Variants in KCNT2 observed in about 807,000 individuals in gnomAD.
KCNT2 encodes the protein potassium sodium-activated channel subfamily T member 2.
KCNT2 carries 67 observed loss-of-function variants against 153.8 expected under a neutral mutation model. The observed-to-expected ratio is 0.44, with a 90% CI of 0.36 to 0.53. The LOEUF (loss-of-function observed/expected upper bound fraction) is 0.53. Among genes scored for constraint, KCNT2 ranks in the 20% least tolerant of loss-of-function variants. The pLI, the probability that KCNT2 is intolerant of heterozygous loss-of-function variation, is 0.00. For synonymous variants in KCNT2, 500 were observed against 458.8 expected (o/e 1.09, Z -1.15); for missense variants, 975 against 1,354.8 (o/e 0.72, Z 4.40).
intron 1 of KCNT2, among the ~76,000 whole-genome samples, chr1:196,511,172 G>T (rs530170638): frequency 2.7e-5 from 4 of 149,152 alleles, no homozygotes; most frequent in African/African-American, 5.0e-5. Flanking sequence ...TTTAAAACAT[G>T]CATGGCTTAG....
At chr1:196,506,143 A>G (rs1478701798) in intron 1 of KCNT2, among the ~76,000 whole-genome samples, 2 of 152,138 alleles carry the variant, frequency 1.3e-5, no homozygotes, top group Non-Finnish European at 2.9e-5. Context: ...TCTGTAGTAT[A>G]GTGTAAGAGC....
chr1:196,268,535 C>T (rs149040577), intron 25 of KCNT2, among the ~76,000 whole-genome samples: 27 of 152,226 alleles, frequency 1.8e-4, no homozygotes, highest in African/African-American at 6.5e-4. Context: ...ATTTCAGTCA[C>T]CCATCCAACA....
intron 12 of KCNT2, among the ~76,000 whole-genome samples, chr1:196,420,511 T>G: frequency 6.6e-6 from 1 of 152,000 alleles, no homozygotes; most frequent in South Asian, 2.1e-4. Context: ...GGCAGAGAGC[T>G]TTTCTCACAT....
intron 2 of KCNT2, among the ~76,000 whole-genome samples, chr1:196,490,723 T>G (rs1488873023): frequency 6.6e-6 from 1 of 151,790 alleles, no homozygotes; most frequent in African/African-American, 2.4e-5. Context: ...CCTGTAATAT[T>G]CAATGATGAT....
intron 1 of KCNT2, among the ~76,000 whole-genome samples, chr1:196,552,298 G>T (rs1290834708): frequency 2.0e-5 from 3 of 151,356 alleles, no homozygotes; most frequent in Non-Finnish European, 4.4e-5. Flanking sequence ...TTTAAAAAGA[G>T]GAATTACTGA....
Position 196,333,957 on chromosome 1 carries a change from A to G in KCNT2, c.1887T>C (p.Ile629=). The G allele has an allele frequency of 6.2e-7, 1 of 1,612,796 alleles. No homozygotes were observed. Residue 629 remains isoleucine, a synonymous_variant, in exon 17 of 28, where the codon ATT becomes ATC. Transcript: ENST00000294725. ...EGSKEIRRPS[I]APVLEVADTS... ...TATCTGCAACCTCTAAAACAGGAGC[A>G]ATGCTAGGTCTTCTTATTTCTTTGC...
At chr1:196,374,774 C>T (rs184325763) in intron 13 of KCNT2, among the ~76,000 whole-genome samples, 75 of 151,620 alleles carry the variant, frequency 4.9e-4, no homozygotes, top group African/African-American at 1.4e-3. Flanking sequence ...CTGCTAAACC[C>T]GGAATGTTAT....
At chr1:196,450,528 A>G (rs888448503) in intron 8 of KCNT2, among the ~76,000 whole-genome samples, 8 of 151,870 alleles carry the variant, frequency 5.3e-5, no homozygotes, top group African/African-American at 1.4e-4. Flanking sequence ...ATGTGGCACC[A>G]TCATTCACAG....
intron 1 of KCNT2, among the ~76,000 whole-genome samples, chr1:196,533,922 G>A (rs1407809184): frequency 1.3e-5 from 2 of 152,148 alleles, no homozygotes; most frequent in African/African-American, 4.8e-5. Context: ...CCCTCCACTA[G>A]TACCATAAAG....
chr1:196,334,566 C>G (rs545119000), intron 16 of KCNT2, among the ~76,000 whole-genome samples: 2 of 146,488 alleles, frequency 1.4e-5, no homozygotes, highest in African/African-American at 5.0e-5. Context: ...ACTCCTCCTC[C>G]CAGGTTCAAG....
At chr1:196,536,742 C>CTT (rs1655627750) in intron 1 of KCNT2, among the ~76,000 whole-genome samples, 1 of 152,176 alleles carries the variant, frequency 6.6e-6, no homozygotes, top group Admixed American at 6.5e-5. Flanking sequence ...ATCCATACGA[C>CTT]AACTGCAGCC....
chr1:196,315,583 C>T (rs1231779355), intron 21 of KCNT2, among the ~76,000 whole-genome samples: 1 of 151,562 alleles, frequency 6.6e-6, no homozygotes. Flanking sequence ...AATACGAGAA[C>T]ATGGGCTGCT....
intron 14 of KCNT2, among the ~76,000 whole-genome samples, chr1:196,363,365 C>T (rs1168478699): frequency 1.3e-5 from 2 of 151,986 alleles, no homozygotes; most frequent in South Asian, 2.1e-4. Context: ...TTGTATTTTC[C>T]CTGCCCCATT....
intron 13 of KCNT2, among the ~76,000 whole-genome samples, chr1:196,385,545 G>C (rs1032842233): frequency 1.3e-5 from 2 of 151,580 alleles, no homozygotes; most frequent in African/African-American, 4.8e-5. Flanking sequence ...TTAAAAAATC[G>C]CCAAACAGAA....
chr1:196,404,010 C>G (rs1671632619), intron 12 of KCNT2: 1 of 191,534 alleles, frequency 5.2e-6, no homozygotes. Context: ...TGACACCATG[C>G]ACTTGGTTAC....
intron 8 of KCNT2, among the ~76,000 whole-genome samples, chr1:196,434,712 T>A (rs1450661485): frequency 3.9e-5 from 6 of 151,946 alleles, no homozygotes; most frequent in Non-Finnish European, 8.8e-5. Flanking sequence ...GGTCCTTCAA[T>A]CTGAACTGGA....
intron 27 of KCNT2, among the ~76,000 whole-genome samples, chr1:196,228,884 G>A (rs921677497): frequency 6.6e-6 from 1 of 151,998 alleles, no homozygotes; most frequent in African/African-American, 2.4e-5. Context: ...TTTAACAAAT[G>A]TTATAGTGAA....
At position 196,226,171 on chromosome 1, in the gene KCNT2, A is replaced by G. The variant is rs1013415725; in HGVS notation, c.*2053T>C. ...TAAAATCCTAGTCTCAACAACTGTC[A>G]TAATGCAAAAATACCAAACTTCAGA... On this transcript the variant is annotated 3_prime_UTR_variant, in exon 28 of 28. Transcript: ENST00000294725. 6.6e-6 allele frequency: 1 copy of G among 152,072 alleles called. No homozygotes were observed. The highest frequency in any genetic ancestry group is 1.5e-5 in the Non-Finnish European group (1 of 67,928). 9.4% of individuals were successfully genotyped at this position (152,072 alleles called of 1,614,324 possible).
chr1:196,573,392 T>C (rs550947319), intron 1 of KCNT2, among the ~76,000 whole-genome samples: 153 of 152,184 alleles, frequency 1.0e-3, no homozygotes, highest in African/African-American at 3.4e-3. Flanking sequence ...GTTCTTTTGA[T>C]ATGCTTATTT....
Sources: gnomAD v4.1 joint callset for allele counts (sites outside exome capture counted in the v4.1 genomes callset) on GRCh38, gnomAD v4.1.1 for gene constraint, MANE v1.5 for transcripts, NCBI Gene and HGNC (gene_info 2026-07-23, HGNC 2026-07-21) for gene names.